Variants in ATP8B2 observed in about 807,000 individuals in gnomAD.
The protein encoded by ATP8B2 is phospholipid-transporting ATPase ID.
In ATP8B2, 70 loss-of-function variants were observed where a neutral mutation model predicts 133.4. The observed-to-expected ratio is 0.52, with a 90% CI of 0.43 to 0.64. The LOEUF is 0.64. ATP8B2 is among the 30% of genes least tolerant of loss of function. ATP8B2 has a pLI of 0.00. For missense variants in ATP8B2, 1,101 were observed against 1,535.7 expected (o/e 0.72, Z 4.73); for synonymous variants, 517 against 589.5 (o/e 0.88, Z 1.78).
chr1:154,333,643 CTTTTT>C (rs60216416), intron 9 of ATP8B2, among the ~76,000 whole-genome samples: 22,289 of 139,546 alleles, frequency 0.16, 1,742 homozygotes, highest in African/African-American at 0.2. Flanking sequence ...CATGCTGCAG[CTTTTT>C]TTTTTTTTTT....
At chr1:154,338,035 A>ATCT (rs1686250634) in intron 12 of ATP8B2, among the ~76,000 whole-genome samples, 2 of 152,160 alleles carry the variant, frequency 1.3e-5, no homozygotes, top group Non-Finnish European at 2.9e-5. Flanking sequence ...AGGAGGGGAG[A>ATCT]TCTGGACAGT....
In ATP8B2 at chr1:154,343,337, A is replaced by G; in HGVS notation, c.1642+36A>G. On this transcript the variant is annotated intron_variant, in intron 16 of 27. Coordinates refer to ENST00000368489, the MANE Select transcript of ATP8B2 (RefSeq NM_001370597.1). This position sits in a 1 kb window ranked among gnomAD's most constrained non-coding sequence, Gnocchi z 5.8. Reference sequence around the variant, plus strand: ...GCCTGGGGTGCTGGGGCGTTTGGGGACAGCATTCAGGCCTGGAATGGGTGA... The same window carrying G: ...GCCTGGGGTGCTGGGGCGTTTGGGGGCAGCATTCAGGCCTGGAATGGGTGA... 1 of 1,609,948 alleles carries G rather than the reference A, an allele frequency of 6.2e-7. No homozygotes were observed.
In ATP8B2 at chr1:154,349,791, TGCTCTGTGGGG is replaced by T. The variant is rs1225289023; in HGVS notation, c.*674_*684del. On this transcript the variant is annotated 3_prime_UTR_variant, in exon 28 of 28. Transcript: ENST00000368489. ...TGTCGGCTCTGCCTGCAGTGACCAG[TGCTCTGTGGGG>T]CAGAGGAGCTGACCAGGGAGGGAGG... The T allele has an allele frequency of 6.5e-6, 1 of 153,370 alleles. No homozygotes were observed. Among genetic ancestry groups the T allele is most frequent in the Non-Finnish European group, 1.5e-5 (1 of 68,652 alleles). 9.5% of individuals were successfully genotyped at this position (153,370 alleles called of 1,614,324 possible).
chr1:154,349,330 A>C lies in ATP8B2; in HGVS notation c.*212A>C. 1.5e-6 allele frequency: 1 copy of C among 685,966 alleles called. No homozygotes were observed. Among genetic ancestry groups the C allele is most frequent in the Admixed American group, 3.0e-5 (1 of 33,566 alleles). 42.5% of individuals were successfully genotyped at this position (685,966 alleles called of 1,614,324 possible). The stretch of plus-strand genomic sequence containing the variant: ...TGGGGAGCTAGAGGGAGCAGGCCCA[A>C]GGGCAGAGCAGAGGCTGAGGCACGG... On this transcript the variant is annotated 3_prime_UTR_variant, in exon 28 of 28. Coordinates refer to ENST00000368489, the MANE Select transcript of ATP8B2 (RefSeq NM_001370597.1).
Position 154,336,968 on chromosome 1 carries a change from T to TA in ATP8B2, c.838-378dup, listed in dbSNP as rs1191584393. 4.0e-5 allele frequency among the ~76,000 whole-genome samples: 6 copies of TA among 151,246 alleles called. No homozygotes were observed. In the East Asian group the frequency reaches 7.8e-4, roughly 20 times the overall value. ...TGCCACCAGGACTGGCTAATTTTTT[T>TA]AATGTTTTTAGTAGAGACGGGGTTT... On this transcript the variant is annotated intron_variant, in intron 11 of 27. Transcript: ENST00000368489.
chr1:154,347,350 G>T (rs1686618970), intron 26 of ATP8B2, among the ~76,000 whole-genome samples: 1 of 152,216 alleles, frequency 6.6e-6, no homozygotes, highest in Admixed American at 6.5e-5. Context: ...AAATGAGTTG[G>T]AGGGTGGGGG....
intron 9 of ATP8B2, among the ~76,000 whole-genome samples, chr1:154,332,987 A>G (rs190919496): frequency 6.6e-6 from 1 of 152,276 alleles, no homozygotes; most frequent in Non-Finnish European, 1.5e-5. Flanking sequence ...TGTGTTCCTT[A>G]TAAGACAAAC....
rs542325790 is a variant in ATP8B2 at position 154,347,648 on chromosome 1, T to C, written c.3164-760T>C. Among the ~76,000 whole-genome samples, 4 of 151,838 alleles carry C rather than the reference T, an allele frequency of 2.6e-5. No individual in the cohort carries two copies. In the East Asian group the frequency reaches 5.8e-4, roughly 22 times the overall value. On this transcript the variant is annotated intron_variant, in intron 26 of 27. Transcript: ENST00000368489. ...TGAGATTCCAGAGATGTTTTGAAAA[T>C]GGAAACAACAGGCCGGGCGCGGTGG...
intron 12 of ATP8B2, among the ~76,000 whole-genome samples, chr1:154,338,455 T>C (rs944921115): frequency 1.3e-5 from 2 of 152,126 alleles, no homozygotes; most frequent in African/African-American, 4.8e-5. Flanking sequence ...AGGTCAGGAA[T>C]TCGAGACCAG....
rs1248618439 is a variant in ATP8B2 at position 154,346,240 on chromosome 1, G to A, written c.2788G>A (p.Glu930Lys). 4.3e-6 allele frequency: 7 copies of A among 1,613,638 alleles called. No homozygotes were observed. Among genetic ancestry groups the A allele is most frequent in the Non-Finnish European group, 5.1e-6 (6 of 1,179,992 alleles). Residue 930 changes from glutamate (E) to lysine (K), a missense_variant, in exon 25 of 28, where the codon GAG becomes AAG. By Grantham distance (56) the Glu-to-Lys change is moderately conservative. Coordinates refer to ENST00000368489, the MANE Select transcript of ATP8B2 (RefSeq NM_001370597.1). This position sits in a 1 kb window ranked among gnomAD's most constrained non-coding sequence, Gnocchi z 4.5. Reference protein sequence around the residue: ...AMGVFDQDVPEQRSMEYPKLY... With the variant: ...AMGVFDQDVPKQRSMEYPKLY... Reference sequence around the variant, plus strand: ...TGGTCCTCCCACACAGGATGTCCCCGAGCAGCGGAGCATGGAGTACCCTAA... The same window carrying A: ...TGGTCCTCCCACACAGGATGTCCCCAAGCAGCGGAGCATGGAGTACCCTAA...
chr1:154,343,183 TG>T lies in ATP8B2; in HGVS notation c.1525del (p.Val509PhefsTer39). The T allele has an allele frequency of 6.2e-7, 1 of 1,614,116 alleles. No individual in the cohort carries two copies. Among genetic ancestry groups the T allele is most frequent in the Non-Finnish European group, 8.5e-7 (1 of 1,180,026 alleles). On this transcript the variant is annotated frameshift_variant, in exon 16 of 28. Coordinates refer to ENST00000368489, the MANE Select transcript of ATP8B2 (RefSeq NM_001370597.1). LOFTEE classifies it high-confidence loss of function. The surrounding 1 kb of genome is among the most constrained non-coding windows in gnomAD (Gnocchi z 5.8). ...TCACCGCAGCCAGGAACTTTGGTTT[TG>T]TTTTCCGCTCTCGCACCCCCAAAAC... ...LVTAARNFGF[V>X]FRSRTPKTIT...
intron 11 of ATP8B2, 103 bp from the exon 12 acceptor site, chr1:154,337,245 A>C: frequency 7.3e-7 from 1 of 1,365,192 alleles, no homozygotes; most frequent in Non-Finnish European, 1.0e-6. Flanking sequence ...GCACTAGAGC[A>C]TCTGAGCTTT....
At chr1:154,347,180 G>A (rs913437936) in intron 26 of ATP8B2, among the ~76,000 whole-genome samples, 16 of 152,194 alleles carry the variant, frequency 1.1e-4, no homozygotes, top group African/African-American at 2.4e-4. Context: ...GTGAGCCACC[G>A]TGCCCAGCTA....
Position 154,348,837 on chromosome 1 carries a change from C to T in ATP8B2, c.3295-3C>T. ...GAGGGCTCTTCCCTGTGCCCCTCTGCAGGTCCGCTACACACAGCTCGTGAG... is the reference window on the plus strand; with the variant it reads ...GAGGGCTCTTCCCTGTGCCCCTCTGTAGGTCCGCTACACACAGCTCGTGAG... On this transcript the variant is annotated splice_polypyrimidine_tract_variant and splice_region_variant and intron_variant, in intron 27 of 27. Transcript: ENST00000368489. 6.3e-7 allele frequency: 1 copy of T among 1,589,306 alleles called. No homozygotes were observed. The highest frequency in any genetic ancestry group is 8.6e-7 in the Non-Finnish European group (1 of 1,163,456).
chr1:154,332,395 A>G (rs1215390880), intron 8 of ATP8B2, among the ~76,000 whole-genome samples: 1 of 152,158 alleles, frequency 6.6e-6, no homozygotes, highest in Non-Finnish European at 1.5e-5. Flanking sequence ...AAAAATTTAA[A>G]AAGTTTAAAA....
In ATP8B2 at chr1:154,330,824, A is replaced by G; in HGVS notation, c.100A>G (p.Ile34Val). The G allele has an allele frequency of 6.2e-7, 1 of 1,613,886 alleles. No individual in the cohort carries two copies. The highest frequency in any genetic ancestry group is 8.5e-7 in the Non-Finnish European group (1 of 1,179,760). Reference protein sequence around the residue: ...NEKFQYASNCIKTSKYNILTF... With the variant: ...NEKFQYASNCVKTSKYNILTF... ...TCTCCTACTGCCATAGAGTAACTGC[A>G]TCAAGACCTCCAAGTACAATATTCT... The change falls in exon 4 of 28, where the codon ATC becomes GTC. Residue 34 changes from isoleucine to valine, a missense_variant. Coordinates refer to ENST00000368489, the MANE Select transcript of ATP8B2 (RefSeq NM_001370597.1).
In ATP8B2 at chr1:154,345,717, T is replaced by G. The variant is rs1396262403; in HGVS notation, c.2695-83T>G. The G allele has an allele frequency of 6.4e-6, 9 of 1,406,238 alleles. No homozygotes were observed. The highest frequency in any genetic ancestry group is 8.0e-6 in the Non-Finnish European group (8 of 994,758). The allele number at this position is 1,406,238 out of a possible 1,614,324, so 87.1% of individuals were successfully genotyped here. A position where few individuals can be genotyped will look rare whatever the true frequency, so the allele number is the denominator to read the frequency against. ...CCTCAGAAAATTTCTTAGGGTTCTCTGTATGTGACATCAGCTGTCTTCCTG... is the reference window on the plus strand; with the variant it reads ...CCTCAGAAAATTTCTTAGGGTTCTCGGTATGTGACATCAGCTGTCTTCCTG... On this transcript the variant is annotated intron_variant, in intron 23 of 27. Transcript: ENST00000368489. The surrounding 1 kb of genome is among the most constrained non-coding windows in gnomAD (Gnocchi z 5.6).
rs754767985 is a variant in ATP8B2 at position 154,331,195 on chromosome 1, C to T, written c.303+49C>T. On this transcript the variant is annotated intron_variant, in intron 5 of 27. Coordinates refer to ENST00000368489, the MANE Select transcript of ATP8B2 (RefSeq NM_001370597.1). This position sits in a 1 kb window ranked among gnomAD's most constrained non-coding sequence, Gnocchi z 4.8. ...TTTGTCCCAGTCACCCACCCCTACT[C>T]CCAGCCCCACCCCCATCTCATGGCC... 2 of 1,465,248 alleles carry T rather than the reference C, an allele frequency of 1.4e-6. No individual in the cohort carries two copies. The highest frequency in any genetic ancestry group is 2.4e-5 in the East Asian group (1 of 42,076). 90.8% of individuals were successfully genotyped at this position (1,465,248 alleles called of 1,614,324 possible). A position where few individuals can be genotyped will look rare whatever the true frequency, so the allele number is the denominator to read the frequency against.
chr1:154,331,361 C>A lies in ATP8B2; in HGVS notation c.304-83C>A. The A allele has an allele frequency of 6.8e-7, 1 of 1,465,404 alleles. No individual in the cohort carries two copies. Among genetic ancestry groups the A allele is most frequent in the Non-Finnish European group, 9.5e-7 (1 of 1,048,210 alleles). 90.8% of individuals were successfully genotyped at this position (1,465,404 alleles called of 1,614,324 possible). On this transcript the variant is annotated intron_variant, in intron 5 of 27. Transcript: ENST00000368489. This position sits in a 1 kb window ranked among gnomAD's most constrained non-coding sequence, Gnocchi z 4.8. ...TGATGGGGTGTGTATGAGGCGTTAA[C>A]CAGCATGCTCTGAGTTCTACTGATC...
Sources: allele counts gnomAD v4.1 joint callset (sites outside exome capture counted in the v4.1 genomes callset), GRCh38; gene constraint gnomAD v4.1.1; non-coding constraint Gnocchi (gnomAD v3.1); transcripts MANE v1.5; gene names NCBI Gene and HGNC (gene_info 2026-07-23, HGNC 2026-07-21).